MIDEAS: variants seen among roughly 807,000 people sequenced by gnomAD.
MIDEAS encodes mitotic deacetylase-associated SANT domain protein.
In MIDEAS, 26 loss-of-function variants were observed where a neutral mutation model predicts 102.7. The ratio of observed to expected loss-of-function variants is 0.25; its 90% confidence interval spans 0.19 to 0.35. The LOEUF is 0.35. MIDEAS is among the 10% of genes least tolerant of loss of function. The pLI is 1.00. For synonymous variants in MIDEAS, 585 were observed against 591.0 expected (o/e 0.99, Z 0.15); for missense variants, 1,231 against 1,435.6 (o/e 0.86, Z 2.30).
Position 73,718,797 on chromosome 14 carries a change from G to C in MIDEAS, c.*46C>G. The stretch of plus-strand genomic sequence containing the variant: ...GGTGTCTGCGGGCGCTGGCGGCGGT[G>C]CGGGAAGGGCCGAGGCCCAGGACTG... On this transcript the variant is annotated 3_prime_UTR_variant, in exon 13 of 13. Transcript: ENST00000423556. 7.4e-7 allele frequency: 1 copy of C among 1,357,964 alleles called. No homozygotes were observed. The highest frequency in any genetic ancestry group is 9.4e-7 in the Non-Finnish European group (1 of 1,060,736). The allele number at this position is 1,357,964 out of a possible 1,614,324, so 84.1% of individuals were successfully genotyped here.
chr14:73,720,417 T>G (rs1305093342), intron 11 of MIDEAS, among the ~76,000 whole-genome samples: 4 of 151,974 alleles, frequency 2.6e-5, no homozygotes, highest in Non-Finnish European at 5.9e-5. Flanking sequence ...CCAGCTAGTT[T>G]TTGTATTTTT....
chr14:73,755,839 T>G (rs371425728), intron 1 of MIDEAS, among the ~76,000 whole-genome samples: 8 of 152,146 alleles, frequency 5.3e-5, no homozygotes, highest in African/African-American at 1.9e-4. Flanking sequence ...TTGATAGGAG[T>G]CAAAGGCAAA....
chr14:73,769,878 G>A (rs1445492887), intron 1 of MIDEAS, among the ~76,000 whole-genome samples: 1 of 149,926 alleles, frequency 6.7e-6, no homozygotes, highest in African/African-American at 2.5e-5. Context: ...GGGATTACAG[G>A]TGTGAGCCAC....
Position 73,759,426 on chromosome 14 carries a change from G to C in MIDEAS, c.-248+337C>G, listed in dbSNP as rs1232746039. Reference sequence around the variant, plus strand: ...GCCGGGTGGGGAGGGCTTTCCTGGCGGGGCCGCGCCCGGGTGGGCGGGGGC... The same window carrying C: ...GCCGGGTGGGGAGGGCTTTCCTGGCCGGGCCGCGCCCGGGTGGGCGGGGGC... On this transcript the variant is annotated intron_variant, in intron 1 of 12. Coordinates refer to ENST00000423556, the MANE Select transcript of MIDEAS (RefSeq NM_001367710.1). This position sits in a 1 kb window ranked among gnomAD's most constrained non-coding sequence, Gnocchi z 6.7. 2.0e-5 allele frequency among the ~76,000 whole-genome samples: 3 copies of C among 151,080 alleles called. No homozygotes were observed. The highest frequency in any genetic ancestry group is 2.0e-4 in the Admixed American group (3 of 15,236).
chr14:73,749,043 C>T lies in MIDEAS; in HGVS notation c.-247-8788G>A, dbSNP rs531652884. Among the ~76,000 whole-genome samples the T allele has an allele frequency of 2.6e-5, 4 of 152,084 alleles. 1 individual carries two copies. In the South Asian group the frequency reaches 8.3e-4, roughly 32 times the overall value. Reference sequence around the variant, plus strand: ...ACATACACATGAGAGAGAGAAAACACTCTACTTTCAACAACGAACAGTACG... The same window carrying T: ...ACATACACATGAGAGAGAGAAAACATTCTACTTTCAACAACGAACAGTACG... On this transcript the variant is annotated intron_variant, in intron 1 of 12. Transcript: ENST00000423556.
chr14:73,756,293 TGTGC>T (rs997909140), intron 1 of MIDEAS, among the ~76,000 whole-genome samples: 7 of 75,160 alleles, frequency 9.3e-5, no homozygotes, highest in African/African-American at 3.1e-4. Context: ...TGTGTGTGTG[TGTGC>T]GCGCGCGCGT....
upstream of MIDEAS, among the ~76,000 whole-genome samples, chr14:73,763,779 G>T (rs2053571661): frequency 6.6e-6 from 1 of 152,078 alleles, no homozygotes; most frequent in South Asian, 2.1e-4. Context: ...AGAAAAAAAA[G>T]AAGGGTGTAG....
chr14:73,737,353 G>A, intron 2 of MIDEAS, 56 bp from the exon 3 acceptor site: 1 of 1,530,332 alleles, frequency 6.5e-7, no homozygotes, highest in East Asian at 2.3e-5. Context: ...GCCAGGCGCA[G>A]TGGCTCACGC....
At chr14:73,727,112 G>C (rs1384587481) in intron 5 of MIDEAS, 140 bp from the exon 6 acceptor site, 9 of 1,096,590 alleles carry the variant, frequency 8.2e-6, no homozygotes, top group Non-Finnish European at 1.1e-5. Context: ...GGCTTCTAGG[G>C]GCTTGGGAGG....
intron 1 of MIDEAS, among the ~76,000 whole-genome samples, chr14:73,782,057 C>A (rs1394962729): frequency 6.6e-6 from 1 of 152,098 alleles, no homozygotes; most frequent in Non-Finnish European, 1.5e-5. Context: ...CAGGAATCTA[C>A]CAGATTCTAT....
At chr14:73,747,353 G>C (rs2053365938) in intron 1 of MIDEAS, among the ~76,000 whole-genome samples, 1 of 152,136 alleles carries the variant, frequency 6.6e-6, no homozygotes, top group South Asian at 2.1e-4. Context: ...GCCTGGGGTG[G>C]GAAGAGACCT....
intron 9 of MIDEAS, chr14:73,724,996 C>A (rs1025057208): frequency 1.6e-5 from 5 of 322,012 alleles, no homozygotes; most frequent in Non-Finnish European, 2.4e-5. Flanking sequence ...CTTCCTCCTG[C>A]CTATTTTAAG....
chr14:73,781,381 T>C (rs566922128), intron 1 of MIDEAS, among the ~76,000 whole-genome samples: 27 of 152,362 alleles, frequency 1.8e-4, no homozygotes, highest in African/African-American at 6.0e-4. Flanking sequence ...TATACATAAC[T>C]TTTCAGAAAT....
At chr14:73,776,481 C>A (rs1460273675) in intron 1 of MIDEAS, among the ~76,000 whole-genome samples, 2 of 142,416 alleles carry the variant, frequency 1.4e-5, no homozygotes, top group Non-Finnish European at 3.0e-5. Context: ...CCCGGGAATT[C>A]AAGACCAGCC....
chr14:73,730,080 T>C (rs753747088), intron 3 of MIDEAS, 95 bp from the exon 4 acceptor site: 5 of 1,291,460 alleles, frequency 3.9e-6, no homozygotes, highest in Non-Finnish European at 4.4e-6. Flanking sequence ...CTTTGGAACT[T>C]AGTCTGCCTA....
chr14:73,760,439 ACGAGT>A (rs2053544539), upstream of MIDEAS: 1 of 152,212 alleles, frequency 6.6e-6, no homozygotes, highest in Non-Finnish European at 1.5e-5. The surrounding 1 kb of genome is among the most constrained non-coding windows in gnomAD (Gnocchi z 4.8). Flanking sequence ...ACCTCCACTC[ACGAGT>A]CGGTCGCCGT....
At chr14:73,781,626 C>T (rs1044255477) in intron 1 of MIDEAS, among the ~76,000 whole-genome samples, 1 of 147,430 alleles carries the variant, frequency 6.8e-6, no homozygotes, top group Non-Finnish European at 1.5e-5. Context: ...CCCAGCTACT[C>T]GGGAGGCCGA....
Position 73,725,187 on chromosome 14 carries a change from A to C in MIDEAS, c.2574+85T>G. ...AGCATTGACCTGACTGCTTTTTAAG[A>C]GGGATTGGTCACTGGCAGAGGGAGC... On this transcript the variant is annotated intron_variant, in intron 9 of 12. Transcript: ENST00000423556. This position sits in a 1 kb window ranked among gnomAD's most constrained non-coding sequence, Gnocchi z 4.1. 1 of 1,011,792 alleles carries C rather than the reference A, an allele frequency of 9.9e-7. No individual in the cohort carries two copies. Among genetic ancestry groups the C allele is most frequent in the Non-Finnish European group, 1.6e-6 (1 of 634,010 alleles). The allele number at this position is 1,011,792 out of a possible 1,614,324, so 62.7% of individuals were successfully genotyped here. A position where few individuals can be genotyped will look rare whatever the true frequency, so the allele number is the denominator to read the frequency against.
intron 12 of MIDEAS, 67 bp from the exon 13 acceptor site, chr14:73,719,075 G>C: frequency 6.9e-7 from 1 of 1,446,878 alleles, no homozygotes; most frequent in Non-Finnish European, 9.0e-7. Context: ...GCGGGTGCGC[G>C]AGGAGCCCCA....
Sources: allele counts gnomAD v4.1 joint callset (sites outside exome capture counted in the v4.1 genomes callset), GRCh38; gene constraint gnomAD v4.1.1; non-coding constraint Gnocchi (gnomAD v3.1); transcripts MANE v1.5; gene names NCBI Gene and HGNC (gene_info 2026-07-23, HGNC 2026-07-21).